The following KDM6A variants were observed in gnomAD, a reference collection of about 807,000 sequenced individuals.
KDM6A encodes the protein lysine-specific demethylase 6A.
A neutral mutation model predicts 117.6 loss-of-function variants in KDM6A; 11 were observed. That is an observed-to-expected ratio of 0.09 (90% CI 0.06 to 0.15). The LOEUF (loss-of-function observed/expected upper bound fraction) is 0.15, where lower values mean the gene tolerates loss of function less well. Among genes scored for constraint, KDM6A ranks in the 10% least tolerant of loss-of-function variants. KDM6A has a pLI of 1.00. For synonymous variants in KDM6A, 384 were observed against 396.1 expected, an observed-to-expected ratio of 0.97 and a Z score of 0.36; for missense variants, 799 against 1,077.3, an observed-to-expected ratio of 0.74 and a Z score of 3.62.
chrX:44,917,025 CTTTTTT>C (rs375157616), intron 2 of KDM6A, among the ~76,000 whole-genome samples: 4 of 96,659 alleles, frequency 4.1e-5, no homozygotes, highest in African/African-American at 7.8e-5. Context: ...TATATACTCA[CTTTTTT>C]TTTTTTTTTA....
At chrX:45,036,764 T>C (rs1402662126) in intron 7 of KDM6A, among the ~76,000 whole-genome samples, 1 of 112,852 alleles carries the variant, frequency 8.9e-6, no homozygotes, top group African/African-American at 3.2e-5. Context: ...GTAACTTTGG[T>C]AAGTCAGTTG....
rs764658815 is a variant in KDM6A, at chrX:45,032,716, A to G, written c.565-2215A>G. Reference sequence around the variant, plus strand: ...TCTGCCCGCCTCGGCCTCCCAAAGTACTGGGATTATAGGCGTGAGCTACTG... The same window carrying G: ...TCTGCCCGCCTCGGCCTCCCAAAGTGCTGGGATTATAGGCGTGAGCTACTG... On this transcript the variant is annotated intron_variant, in intron 6 of 29. Transcript: ENST00000611820. 2.0e-3 allele frequency among the ~76,000 whole-genome samples: 220 copies of G among 111,243 alleles called. 3 individuals carry two copies. Among genetic ancestry groups the G allele is most frequent in the African/African-American group, 7.0e-3 (215 of 30,573 alleles).
intron 3 of KDM6A, among the ~76,000 whole-genome samples, chrX:44,967,113 G>A (rs189412712): frequency 1.3e-3 from 146 of 110,896 alleles, no homozygotes; most frequent in African/African-American, 4.7e-3. Flanking sequence ...CTTGTGATCC[G>A]CCTGCTTTGG....
chrX:45,094,133 C>T (rs1022165991), intron 27 of KDM6A, among the ~76,000 whole-genome samples: 2 of 111,797 alleles, frequency 1.8e-5, no homozygotes, highest in Non-Finnish European at 1.9e-5. Flanking sequence ...TACTTTTCAG[C>T]AGCCAACATG....
At chrX:44,956,439 G>T (rs188503872) in intron 2 of KDM6A, among the ~76,000 whole-genome samples, 2 of 109,165 alleles carry the variant, frequency 1.8e-5, no homozygotes, top group Non-Finnish European at 3.8e-5. Flanking sequence ...TTGCTCTGTC[G>T]CCCAGGCTGG....
chrX:45,063,085 A>T (rs1420277404), intron 16 of KDM6A, among the ~76,000 whole-genome samples: 1 of 110,996 alleles, frequency 9.0e-6, no homozygotes, highest in Non-Finnish European at 1.9e-5. Context: ...AAATTTTGAG[A>T]TGTCCCCTCT....
intron 6 of KDM6A, among the ~76,000 whole-genome samples, chrX:45,022,118 A>C (rs2042191147): frequency 1.8e-5 from 2 of 112,303 alleles, no homozygotes; most frequent in African/African-American, 6.5e-5. Context: ...AGGGAAAAGC[A>C]ATCAGATGTG....
At chrX:44,958,635 GAC>G (rs1275667094) in intron 2 of KDM6A, among the ~76,000 whole-genome samples, 1 of 47,882 alleles carries the variant, frequency 2.1e-5, no homozygotes, top group Non-Finnish European at 3.1e-5. Context: ...TTTTTGCTGT[GAC>G]ACAGCCCTCA....
At chrX:44,892,918 G>A (rs1044029056) in intron 2 of KDM6A, among the ~76,000 whole-genome samples, 3 of 105,466 alleles carry the variant, frequency 2.8e-5, no homozygotes, top group Admixed American at 2.1e-4. Flanking sequence ...CAGGAGAATC[G>A]CTTGGATCTG....
chrX:44,946,191 A>C (rs186300153), intron 2 of KDM6A, among the ~76,000 whole-genome samples: 435 of 111,805 alleles, frequency 3.9e-3, no homozygotes, highest in Non-Finnish European at 7.1e-3. Flanking sequence ...CTGCCTCCCA[A>C]GTGATTATCC....
intron 4 of KDM6A, among the ~76,000 whole-genome samples, chrX:44,987,129 CTCT>C (rs2040275560): frequency 8.9e-6 from 1 of 111,770 alleles, no homozygotes; most frequent in African/African-American, 3.3e-5. Flanking sequence ...GGATAGTTAG[CTCT>C]TCTTGTTGAA....
intron 4 of KDM6A, among the ~76,000 whole-genome samples, chrX:44,996,621 T>C (rs17215153): frequency 0.014 from 1,561 of 110,628 alleles, 18 homozygotes; most frequent in Middle Eastern, 0.037. Flanking sequence ...ATCTTAACTG[T>C]AAATGTTCTT....
intron 4 of KDM6A, among the ~76,000 whole-genome samples, chrX:45,003,226 C>A (rs2041237887): frequency 4.6e-5 from 5 of 109,793 alleles, no homozygotes; most frequent in Admixed American, 3.9e-4. Flanking sequence ...CCCATTGTGT[C>A]TTTTTCCGTC....
At chrX:44,996,391 A>G (rs1453333381) in intron 4 of KDM6A, among the ~76,000 whole-genome samples, 1 of 109,071 alleles carries the variant, frequency 9.2e-6, no homozygotes, top group Non-Finnish European at 1.9e-5. Context: ...GATTCTCATA[A>G]CTAGTAAGTG....
intron 2 of KDM6A, among the ~76,000 whole-genome samples, chrX:44,893,165 G>A (rs756625711): frequency 9.0e-6 from 1 of 110,799 alleles, no homozygotes; most frequent in South Asian, 3.8e-4. Context: ...GCGACAGAGC[G>A]AGACTGTCTC....
At chrX:44,879,591 T>C (rs948843352) in intron 2 of KDM6A, among the ~76,000 whole-genome samples, 40 of 112,470 alleles carry the variant, frequency 3.6e-4, no homozygotes, top group African/African-American at 1.3e-3. Flanking sequence ...AAGCCTTCTA[T>C]GTAGATAGTA....
chrX:44,923,538 CTTT>C (rs142581355), intron 2 of KDM6A, among the ~76,000 whole-genome samples: 3 of 32,195 alleles, frequency 9.3e-5, no homozygotes, highest in Admixed American at 1.1e-3. Context: ...ATCTTCTCTG[CTTT>C]TTTTTTTTTT....
intron 2 of KDM6A, among the ~76,000 whole-genome samples, chrX:44,943,891 A>G (rs929293133): frequency 1.8e-5 from 2 of 111,775 alleles, no homozygotes; most frequent in Non-Finnish European, 3.8e-5. Flanking sequence ...AGTGACTGTA[A>G]TATTTTGCAT....
At chrX:45,035,128 C>A (rs1373356192) in intron 7 of KDM6A, 143 bp downstream of exon 7, 3 of 519,659 alleles carry the variant, frequency 5.8e-6, no homozygotes, top group Non-Finnish European at 6.7e-6. Context: ...TGGCTACTTA[C>A]ATAAATGGAA....
Sources: gnomAD v4.1 joint callset for allele counts (sites outside exome capture counted in the v4.1 genomes callset) on GRCh38, gnomAD v4.1.1 for gene constraint, MANE v1.5 for transcripts, NCBI Gene and HGNC (gene_info 2026-07-23, HGNC 2026-07-21) for gene names.